The following ZNF45 variants were observed in gnomAD, a reference collection of about 807,000 sequenced individuals.
ZNF45 encodes zinc finger protein 45, also known as BRC1744.
A neutral mutation model predicts 12.0 loss-of-function variants in ZNF45; 4 were observed. The ratio of observed to expected loss-of-function variants is 0.33; its 90% confidence interval spans 0.16 to 0.76. The LOEUF (loss-of-function observed/expected upper bound fraction) is 0.76. ZNF45 is among the 30% of genes least tolerant of loss of function. The pLI, the probability that ZNF45 is intolerant of heterozygous loss-of-function variation, is 0.60. For synonymous variants in ZNF45, 272 were observed against 279.6 expected (o/e 0.97, Z 0.27); for missense variants, 700 against 813.0 (o/e 0.86, Z 1.69).
In ZNF45 at chr19:43,914,356, A is replaced by T; in HGVS notation, c.1080T>A (p.Tyr360Ter). The change falls in exon 10 of 10, where the codon TAT (tyrosine) becomes TAA (stop). Residue 360 changes from tyrosine (Y) to a stop codon, truncating the protein, a stop_gained. Transcript: ENST00000269973. LOFTEE classifies it low-confidence loss of function (END_TRUNC). ...AACCTTTCCCACACTCCTCACACTTATAGGGTTTCTCTCCTGTGTGGATTC... is the reference window on the plus strand; with the variant it reads ...AACCTTTCCCACACTCCTCACACTTTTAGGGTTTCTCTCCTGTGTGGATTC... Reference protein sequence around the residue: ...HCRIHTGEKPYKCEECGKGFS... With the variant: ...HCRIHTGEKP 2.5e-6 allele frequency: 4 copies of T among 1,612,838 alleles called. No homozygotes were observed. The South Asian group carries it at 4.4e-5, about 18-fold the overall frequency.
chr19:43,913,448 G>A lies in ZNF45; in HGVS notation c.1988C>T (p.Ala663Val), dbSNP rs149151185. ...AAAGTCCTTGTCACCCTCATCATCA[G>A]CATGGACTCGCTGATGAATGATAAG... ...SSLIIHQRVH[A>V]DDEGDKDFPS... Residue 663 changes from alanine (A) to valine (V), a missense_variant, in exon 10 of 10, where the codon GCT (alanine) becomes GTT (valine). By Grantham distance (64) the Ala-to-Val change is moderately conservative. Transcript: ENST00000269973. The A allele has an allele frequency of 5.0e-6, 8 of 1,601,246 alleles. No individual in the cohort carries two copies. In the African/African-American group the frequency reaches 9.4e-5, roughly 19 times the overall value.
rs765898427 is a variant in ZNF45 at position 43,919,000 on chromosome 19, A to G, written c.143-38T>C. ...AAGGACATAGGTTTATAATTAATAC[A>G]TCAGAAGCCAAAATTACTCAAAATT... On this transcript the variant is annotated intron_variant, in intron 8 of 9. Coordinates refer to ENST00000269973, the MANE Select transcript of ZNF45 (RefSeq NM_003425.4). 44 of 1,551,642 alleles carry G rather than the reference A, an allele frequency of 2.8e-5. 2 individuals are homozygous for G. In the South Asian group the frequency reaches 4.9e-4, roughly 17 times the overall value.
At chr19:43,926,189 T>C (rs528836375) in intron 3 of ZNF45, 2 of 152,346 alleles carry the variant, frequency 1.3e-5, no homozygotes, top group South Asian at 2.1e-4. Flanking sequence ...GAGAGGCATA[T>C]AGGAAGACTA....
chr19:43,913,579 T>C lies in ZNF45; in HGVS notation c.1857A>G (p.Lys619=). 6.2e-7 allele frequency: 1 copy of C among 1,611,730 alleles called. No homozygotes were observed. Among genetic ancestry groups the C allele is most frequent in the Non-Finnish European group, 8.5e-7 (1 of 1,179,332 alleles). Residue 619 remains lysine, a synonymous_variant, in exon 10 of 10, where the codon AAA becomes AAG. Transcript: ENST00000269973. ...GAAGGTATGAGCTCCAGCTGAAGAC[T>C]TTCCCACATTCCTCACATTTGTATG... ...ERPYKCEECG[K]VFSWSSYLQA...
intron 3 of ZNF45, chr19:43,931,107 T>C (rs1168025091): frequency 6.6e-6 from 1 of 152,168 alleles, no homozygotes; most frequent in Non-Finnish European, 1.5e-5. Flanking sequence ...ACTTGCTAAG[T>C]TCAAAAGACA....
Position 43,912,916 on chromosome 19 carries a change from A to G in ZNF45, c.*471T>C, listed in dbSNP as rs1404541375. ...GAAAATCAGGCCATATGACTAACTT[A>G]TATATCCTCCAAGCCTTGCAGAATT... On this transcript the variant is annotated 3_prime_UTR_variant, in exon 10 of 10. Transcript: ENST00000269973. 1 of 153,504 alleles carries G rather than the reference A, an allele frequency of 6.5e-6. No individual in the cohort carries two copies. The highest frequency in any genetic ancestry group is 2.4e-5 in the African/African-American group (1 of 41,478). The allele number at this position is 153,504 out of a possible 1,614,324, so 9.5% of individuals were successfully genotyped here.
In ZNF45 at chr19:43,914,182, A is replaced by G. The variant is rs1972439871; in HGVS notation, c.1254T>C (p.Cys418=). The part of the protein sequence containing the change: ...RGHTGEKPYQ[C]DACGKGFSRS... The stretch of plus-strand genomic sequence containing the variant: ...GACTGAAGCCCTTACCACATGCATC[A>G]CACTGATACGGTTTCTCTCCAGTAT... Residue 418 remains cysteine, a synonymous_variant, in exon 10 of 10, where the codon TGT becomes TGC. Coordinates refer to ENST00000269973, the MANE Select transcript of ZNF45 (RefSeq NM_003425.4). 1 of 1,608,374 alleles carries G rather than the reference A, an allele frequency of 6.2e-7. No individual in the cohort carries two copies. The highest frequency in any genetic ancestry group is 2.2e-5 in the East Asian group (1 of 44,578).
Position 43,918,897 on chromosome 19 carries a change from T to C in ZNF45, c.208A>G (p.Met70Val). 1 of 1,614,124 alleles carries C rather than the reference T, an allele frequency of 6.2e-7. No individual in the cohort carries two copies. The change falls in exon 9 of 10, where the codon ATG (methionine) becomes GTG (valine). Residue 70 changes from methionine (M) to valine (V), a missense_variant. Physicochemically the swap from Met to Val is conservative, Grantham distance 21 (BLOSUM62 1). Transcript: ENST00000269973. ...GAGGAGTTATCTCTCTGGGTTGCCA[T>C]CTTCATCATCCACAGCTTTTCTTCT... The part of the protein sequence containing the change: ...EREEKLWMMK[M>V]ATQRDNSSGA...
At chr19:43,931,318 A>C (rs1053886674) in intron 3 of ZNF45, 10 of 152,146 alleles carry the variant, frequency 6.6e-5, no homozygotes, top group African/African-American at 9.7e-5. Flanking sequence ...GTGGATCACG[A>C]GGTCAGGAAT....
rs1324031527 is a variant in ZNF45 at position 43,914,827 on chromosome 19, C to A, written c.609G>T (p.Arg203=). 6.2e-7 allele frequency: 1 copy of A among 1,612,344 alleles called. No individual in the cohort carries two copies. The highest frequency in any genetic ancestry group is 2.2e-5 in the East Asian group (1 of 44,832). ...KCEKCDNAFR[R]FSSLQAHQRV... is the part of the protein sequence containing the mutation. ...TCTGATGGGCTTGAAGACTTGAAAA[C>A]CGACGGAAGGCATTATCACATTTTT... is the stretch of plus-strand genomic sequence containing the variant. The change falls in exon 10 of 10, where the codon CGG becomes CGT. Residue 203 remains arginine, a synonymous_variant. Coordinates refer to ENST00000269973, the MANE Select transcript of ZNF45 (RefSeq NM_003425.4).
intron 7 of ZNF45, among the ~76,000 whole-genome samples, chr19:43,920,556 G>A (rs1012845469): frequency 1.4e-5 from 2 of 145,956 alleles, no homozygotes; most frequent in East Asian, 2.0e-4. Context: ...GGCAGTGGGC[G>A]GTAAAGTCAC....
rs1241821744 is a variant in ZNF45 at position 43,914,317 on chromosome 19, T to C, written c.1119A>G (p.Ser373=). Residue 373 remains serine (S), a synonymous_variant, in exon 10 of 10, where the codon TCA becomes TCG. Coordinates refer to ENST00000269973, the MANE Select transcript of ZNF45 (RefSeq NM_003425.4). ...EECGKGFSVG[S]HLQAHQISHT... Reference sequence around the variant, plus strand: ...GGCTTATCTGATGGGCCTGAAGGTGTGAACCCACACTGAAACCTTTCCCAC... The same window carrying C: ...GGCTTATCTGATGGGCCTGAAGGTGCGAACCCACACTGAAACCTTTCCCAC... The C allele has an allele frequency of 6.2e-7, 1 of 1,612,510 alleles. No individual in the cohort carries two copies. The highest frequency in any genetic ancestry group is 2.2e-5 in the East Asian group (1 of 44,752).
At chr19:43,922,325 G>C in intron 6 of ZNF45, 108 bp from the exon 7 acceptor site, 1 of 692,394 alleles carries the variant, frequency 1.4e-6, no homozygotes, top group Non-Finnish European at 2.3e-6. Context: ...TTTTTAACGT[G>C]AAATAGCAAC....
chr19:43,927,010 G>T (rs1400336334), intron 3 of ZNF45, among the ~76,000 whole-genome samples: 4 of 152,150 alleles, frequency 2.6e-5, no homozygotes, highest in Admixed American at 2.6e-4. Context: ...GAGGCTTGAG[G>T]GGGAGGAGGC....
intron 3 of ZNF45, among the ~76,000 whole-genome samples, chr19:43,928,576 GC>G (rs777851957): frequency 7.2e-5 from 11 of 152,200 alleles, no homozygotes; most frequent in Admixed American, 2.0e-4. Flanking sequence ...TGATGCTAAT[GC>G]TGCTGGTCCC....
At chr19:43,925,517 C>T (rs765248400) in intron 3 of ZNF45, 59 bp from the exon 4 acceptor site, 1 of 152,182 alleles carries the variant, frequency 6.6e-6, no homozygotes, top group Non-Finnish European at 1.5e-5. Context: ...TAGTTAATTA[C>T]TGCTTGATTT....
chr19:43,929,277 T>G (rs1973932781), intron 3 of ZNF45, among the ~76,000 whole-genome samples: 1 of 152,188 alleles, frequency 6.6e-6, no homozygotes, highest in South Asian at 2.1e-4. Context: ...GGCCTAGCCA[T>G]GAGCTCCCGG....
At chr19:43,919,021 A>C in intron 8 of ZNF45, 59 bp from the exon 9 acceptor site, 2 of 1,399,530 alleles carry the variant, frequency 1.4e-6, no homozygotes, top group Non-Finnish European at 2.0e-6. Context: ...AAATTACTCA[A>C]AATTATTGTC....
rs1221782170 is a variant in ZNF45, at chr19:43,934,507, C to T, written c.-568G>A. The T allele has an allele frequency of 2.2e-5, 3 of 134,082 alleles. No homozygotes were observed. The highest frequency in any genetic ancestry group is 8.1e-5 in the African/African-American group (3 of 37,214). The allele number at this position is 134,082 out of a possible 1,614,324, so 8.3% of individuals were successfully genotyped here. The stretch of plus-strand genomic sequence containing the variant: ...CTCTGCTGCCAGAAGCCAGGATGCT[C>T]TCCTTCCTCCTCTCCCGCAGCATTC... On this transcript the variant is annotated 5_prime_UTR_variant, in exon 2 of 10. Coordinates refer to ENST00000269973, the MANE Select transcript of ZNF45 (RefSeq NM_003425.4).
Sources: allele counts gnomAD v4.1 joint callset (sites outside exome capture counted in the v4.1 genomes callset), GRCh38; gene constraint gnomAD v4.1.1; transcripts MANE v1.5; gene names NCBI Gene and HGNC (gene_info 2026-07-23, HGNC 2026-07-21).